Variants in MYOM2 observed in about 807,000 individuals in gnomAD.
The protein encoded by MYOM2 is myomesin-2.
A neutral mutation model predicts 187.6 loss-of-function variants in MYOM2; 254 were observed. The ratio of observed to expected loss-of-function variants is 1.35; its 90% CI spans 1.22 to 1.50. The LOEUF is 1.50. Among genes scored for constraint, MYOM2 ranks in the 40% most tolerant of loss-of-function variants. The probability of loss-of-function intolerance (pLI) is 0.00; values close to 1 mark genes in which losing one functional copy is unlikely to be tolerated. For missense variants in MYOM2, 2,796 were observed against 1,924.0 expected, an observed-to-expected ratio of 1.45 and a Z score of -8.48; for synonymous variants, 981 against 753.8, an observed-to-expected ratio of 1.30 and a Z score of -4.94.
intron 19 of MYOM2, 94 bp downstream of exon 19, chr8:2,099,077 C>A: frequency 7.0e-7 from 1 of 1,435,258 alleles, no homozygotes; most frequent in South Asian, 1.4e-5. Context: ...CCAGCCTTCA[C>A]AGCGTGTCTG....
intron 11 of MYOM2, 108 bp from the exon 12 acceptor site, chr8:2,078,626 G>C: frequency 1.0e-6 from 1 of 993,342 alleles, no homozygotes; most frequent in African/African-American, 1.6e-5. Context: ...ACTGGCGTGA[G>C]ATATTGTCCT....
At chr8:2,129,312 G>C in intron 32 of MYOM2, 80 bp downstream of exon 32, 1 of 889,372 alleles carries the variant, frequency 1.1e-6, no homozygotes, top group Non-Finnish European at 1.8e-6. Flanking sequence ...GGCGCTCCCT[G>C]GGGAACATCA....
chr8:2,082,528 T>C (rs1467779846), intron 13 of MYOM2, among the ~76,000 whole-genome samples: 5 of 152,216 alleles, frequency 3.3e-5, no homozygotes, highest in African/African-American at 1.2e-4. Flanking sequence ...TGCCGAGTTT[T>C]TCTCACCATT....
chr8:2,086,380 CG>C, intron 14 of MYOM2, among the ~76,000 whole-genome samples: 1 of 73,646 alleles, frequency 1.4e-5, no homozygotes, highest in African/African-American at 6.2e-5. Flanking sequence ...GTGATCTCTG[CG>C]TGGCCTCCCA....
At chr8:2,051,342 C>T (rs1189674399) in intron 2 of MYOM2, among the ~76,000 whole-genome samples, 2 of 152,096 alleles carry the variant, frequency 1.3e-5, no homozygotes, top group Non-Finnish European at 2.9e-5. Flanking sequence ...GCCTCTGGGG[C>T]TGGTGTGCAC....
At chr8:2,123,421 C>G (rs1193743333) in intron 29 of MYOM2, 56 bp downstream of exon 29, 12 of 1,497,606 alleles carry the variant, frequency 8.0e-6, no homozygotes, top group Non-Finnish European at 1.0e-5. Context: ...TTTCAAATAA[C>G]TCGTAAATTC....
At position 2,091,352 on chromosome 8, in the gene MYOM2, G is replaced by C. The variant is rs368798301; in HGVS notation, c.1829-994G>C. 4.6e-5 allele frequency among the ~76,000 whole-genome samples: 7 copies of C among 152,268 alleles called. No homozygotes were observed. In the East Asian group the frequency reaches 1.4e-3, roughly 29 times the overall value. On this transcript the variant is annotated intron_variant, in intron 15 of 36. Coordinates refer to ENST00000262113, the MANE Select transcript of MYOM2 (RefSeq NM_003970.4). ...AGCCAGGGTGCCCAGCCAGGCACTA[G>C]AGTTTCTTGCCCATCTGGCTTGAAG...
In MYOM2 at chr8:2,106,370, A is replaced by G. The variant is rs1796891458; in HGVS notation, c.2863A>G (p.Arg955Gly). ...KSYEEISDDE[R>G]FKIETVGDHS... ...CTACGAGGAGATTTCAGATGATGAG[A>G]GGTTTAAAATTGAAACCGTGGGGGA... The change falls in exon 22 of 37, where the codon AGG becomes GGG. Residue 955 changes from arginine (R) to glycine (G), a missense_variant. By Grantham distance (125) the Arg-to-Gly change is moderately radical. Coordinates refer to ENST00000262113, the MANE Select transcript of MYOM2 (RefSeq NM_003970.4). 1.2e-6 allele frequency: 2 copies of G among 1,614,138 alleles called. No individual in the cohort carries two copies. Among genetic ancestry groups the G allele is most frequent in the East Asian group, 4.5e-5 (2 of 44,884 alleles).
At chr8:2,104,617 GAAAA>G (rs1044799708) in intron 21 of MYOM2, among the ~76,000 whole-genome samples, 3 of 149,024 alleles carry the variant, frequency 2.0e-5, no homozygotes, top group Admixed American at 6.6e-5. Context: ...AAAAAAAAAA[GAAAA>G]AAAAAGTTTA....
At chr8:2,137,296 T>C (rs967967123) in intron 32 of MYOM2, among the ~76,000 whole-genome samples, 5 of 151,894 alleles carry the variant, frequency 3.3e-5, no homozygotes, top group African/African-American at 9.7e-5. Flanking sequence ...TGTTGCGTCC[T>C]CTTGGTGAGA....
At position 2,086,380 on chromosome 8, in the gene MYOM2, C is replaced by T. The variant is rs1484458616; in HGVS notation, c.1644+990C>T. On this transcript the variant is annotated intron_variant, in intron 14 of 36. Transcript: ENST00000262113. ...TGGCCTCCCACTGTTGTGATCTCTG[C>T]GTGGCCTCCCACTGTTGTGATCTCT... 3.2e-3 allele frequency among the ~76,000 whole-genome samples: 238 copies of T among 73,580 alleles called. 21 individuals are homozygous for T. The highest frequency in any genetic ancestry group is 4.0e-3 in the Non-Finnish European group (144 of 35,966). The allele number at this position is 73,580 out of a possible 152,430, so 48.3% of individuals were successfully genotyped here. A position where few individuals can be genotyped will look rare whatever the true frequency, so the allele number is the denominator to read the frequency against.
chr8:2,099,089 T>G, intron 19 of MYOM2, 106 bp downstream of exon 19: 1 of 1,388,334 alleles, frequency 7.2e-7, no homozygotes, highest in Non-Finnish European at 9.6e-7. Flanking sequence ...GCGTGTCTGT[T>G]CCTCCGACAC....
At chr8:2,086,285 T>A (rs1433645784) in intron 14 of MYOM2, among the ~76,000 whole-genome samples, 1 of 143,620 alleles carries the variant, frequency 7.0e-6, no homozygotes, top group Non-Finnish European at 1.5e-5. Context: ...GGCACCCCAC[T>A]GTCGTGATCT....
At position 2,066,927 on chromosome 8, in the gene MYOM2, C is replaced by A. The variant is rs555121741; in HGVS notation, c.654-2351C>A. Among the ~76,000 whole-genome samples, 12 of 152,292 alleles carry A rather than the reference C, an allele frequency of 7.9e-5. No homozygotes were observed. The South Asian group carries it at 2.3e-3, about 29-fold the overall frequency. ...TAGCTTTGCTGATGGCTTTGTAGTTCGGCTTGTATTCCTCCACGGTGAACT... is the reference window on the plus strand; with the variant it reads ...TAGCTTTGCTGATGGCTTTGTAGTTAGGCTTGTATTCCTCCACGGTGAACT... On this transcript the variant is annotated intron_variant, in intron 6 of 36. Coordinates refer to ENST00000262113, the MANE Select transcript of MYOM2 (RefSeq NM_003970.4).
chr8:2,103,093 A>G (rs1796767042), intron 21 of MYOM2, among the ~76,000 whole-genome samples: 1 of 146,718 alleles, frequency 6.8e-6, no homozygotes, highest in African/African-American at 2.6e-5. Context: ...GGGTGTATGG[A>G]TAAATGCATG....
chr8:2,103,923 T>A (rs1461172310), intron 21 of MYOM2, among the ~76,000 whole-genome samples: 1 of 152,054 alleles, frequency 6.6e-6, no homozygotes, highest in East Asian at 1.9e-4. Context: ...TATGGATGGG[T>A]GTACGGATAA....
At chr8:2,048,952 C>T (rs1159811259) in intron 1 of MYOM2, among the ~76,000 whole-genome samples, 1 of 151,796 alleles carries the variant, frequency 6.6e-6, no homozygotes, top group Admixed American at 6.6e-5. Flanking sequence ...ACCATTCTGG[C>T]TAATTTTTTG....
chr8:2,062,312 G>A (rs1201289779), intron 6 of MYOM2, among the ~76,000 whole-genome samples: 1 of 152,228 alleles, frequency 6.6e-6, no homozygotes, highest in South Asian at 2.1e-4. Flanking sequence ...GGATCACTCT[G>A]ACTGCAGACA....
intron 25 of MYOM2, among the ~76,000 whole-genome samples, chr8:2,109,945 G>A (rs777511485): frequency 2.9e-4 from 44 of 152,292 alleles, no homozygotes; most frequent in African/African-American, 6.3e-4. Flanking sequence ...GAAGGCATCC[G>A]TGGGGAATAA....
Sources: allele counts gnomAD v4.1 joint callset (sites outside exome capture counted in the v4.1 genomes callset), GRCh38; gene constraint gnomAD v4.1.1; transcripts MANE v1.5; gene names NCBI Gene and HGNC (gene_info 2026-07-23, HGNC 2026-07-21).